ZNF362: variants seen among roughly 807,000 people sequenced by gnomAD.
The protein encoded by ZNF362 is zinc finger protein 362.
ZNF362 carries 11 observed loss-of-function variants against 42.9 expected under a neutral mutation model. The ratio of observed to expected loss-of-function variants is 0.26; its 90% CI spans 0.16 to 0.42. ZNF362 has a LOEUF of 0.42. Among genes scored for constraint, ZNF362 ranks in the 20% least tolerant of loss-of-function variants. The pLI is 1.00. For synonymous variants in ZNF362, 255 were observed against 257.3 expected (o/e 0.99, Z 0.09); for missense variants, 362 against 576.2 (o/e 0.63, Z 3.81).
At chr1:33,167,361 G>T in the ZNF362 span, among the ~76,000 whole-genome samples, 2 of 152,192 alleles carry the variant, frequency 1.3e-5, no homozygotes, top group East Asian at 3.8e-4. This position sits in a 1 kb window ranked among gnomAD's most constrained non-coding sequence, Gnocchi z 4.2. Context: ...CCTGCCTTAT[G>T]CCCAGGGACT....
At chr1:33,244,826 C>T in the ZNF362 span, among the ~76,000 whole-genome samples, 2 of 152,104 alleles carry the variant, frequency 1.3e-5, no homozygotes, top group African/African-American at 4.8e-5. The surrounding 1 kb of genome is among the most constrained non-coding windows in gnomAD (Gnocchi z 4.0). Flanking sequence ...AGGAGGTACA[C>T]AGTAAGGAAC....
chr1:33,256,819 G>A (rs1363090251), intron 1 of ZNF362, among the ~76,000 whole-genome samples, 165 bp downstream of exon 1: 2 of 118,600 alleles, frequency 1.7e-5, no homozygotes, highest in African/African-American at 2.8e-5. Context: ...CCTCGGGCCC[G>A]GCCCAGAGCG....
the ZNF362 span, among the ~76,000 whole-genome samples, chr1:33,241,582 A>G: frequency 7.9e-5 from 12 of 152,206 alleles, no homozygotes; most frequent in African/African-American, 2.7e-4. Context: ...AAATAAATAA[A>G]TATTTCTCCT....
chr1:33,145,965 G>T, the ZNF362 span: 1 of 470,014 alleles, frequency 2.1e-6, no homozygotes, highest in African/African-American at 2.0e-5. Context: ...GGAACTGAGT[G>T]AAGTGGGAGA....
chr1:33,294,493 G>A lies in ZNF362; in HGVS notation c.909-444G>A, dbSNP rs1646102794. The stretch of plus-strand genomic sequence containing the variant: ...CATGGGGTAGGGACAGGAAATAAGT[G>A]TCTGGGGCCAATTAGAGGGAGATGT... On this transcript the variant is annotated intron_variant, in intron 6 of 8. Transcript: ENST00000539719. The surrounding 1 kb of genome is among the most constrained non-coding windows in gnomAD (Gnocchi z 4.2). Among the ~76,000 whole-genome samples, 1 of 152,200 alleles carries A rather than the reference G, an allele frequency of 6.6e-6. No individual in the cohort carries two copies. Among genetic ancestry groups the A allele is most frequent in the African/African-American group, 2.4e-5 (1 of 41,440 alleles).
intron 4 of ZNF362, among the ~76,000 whole-genome samples, chr1:33,278,531 G>T (rs1570397300): frequency 3.9e-5 from 6 of 152,246 alleles, no homozygotes; most frequent in Admixed American, 2.6e-4. Context: ...CCAGGTAAAA[G>T]ATTCAAATAA....
chr1:33,287,638 T>G (rs1175626576), intron 6 of ZNF362, among the ~76,000 whole-genome samples: 1 of 152,252 alleles, frequency 6.6e-6, no homozygotes, highest in Non-Finnish European at 1.5e-5. Context: ...GTTTTTGTTT[T>G]TCTTTTCCTG....
the ZNF362 span, among the ~76,000 whole-genome samples, chr1:33,169,977 C>T: frequency 6.6e-6 from 1 of 152,194 alleles, no homozygotes; most frequent in South Asian, 2.1e-4. Flanking sequence ...CAGTGTCCCA[C>T]ACTTGTACCC....
At chr1:33,262,921 C>T (rs1160461290) in intron 1 of ZNF362, among the ~76,000 whole-genome samples, 2 of 152,174 alleles carry the variant, frequency 1.3e-5, no homozygotes, top group Admixed American at 6.5e-5. Flanking sequence ...CATAGGAGCA[C>T]GTGCATGTGC....
At chr1:33,262,396 CT>C (rs1645834689) in intron 1 of ZNF362, among the ~76,000 whole-genome samples, 3 of 5,178 alleles carry the variant, frequency 5.8e-4, no homozygotes, top group Non-Finnish European at 1.6e-3. Context: ...GCTCCGCCTC[CT>C]GGGTTCACAC....
At chr1:33,234,813 T>G in the ZNF362 span, among the ~76,000 whole-genome samples, 1 of 152,162 alleles carries the variant, frequency 6.6e-6, no homozygotes, top group African/African-American at 2.4e-5. Context: ...AGAGCAGGCA[T>G]TCTATGATGC....
At position 33,276,554 on chromosome 1, in the gene ZNF362, C is replaced by T. The variant is rs757405407; in HGVS notation, c.309C>T (p.Asp103=). 2.5e-5 allele frequency: 37 copies of T among 1,467,396 alleles called. No individual in the cohort carries two copies. The highest frequency in any genetic ancestry group is 2.2e-4 in the Middle Eastern group (1 of 4,522). 90.9% of individuals were successfully genotyped at this position (1,467,396 alleles called of 1,614,324 possible). Residue 103 remains aspartate (D), a synonymous_variant, in exon 4 of 9, where the codon GAC becomes GAT. Transcript: ENST00000539719. ...ATCCACAGGCGGTGCCGCAGCCCGA[C>T]GTGGCGCTGCACGCACGGCCGGCCA... ...GLHPQAVPQP[D]VALHARPATS...
chr1:33,207,556 C>A, the ZNF362 span, among the ~76,000 whole-genome samples: 4 of 152,204 alleles, frequency 2.6e-5, no homozygotes, highest in Non-Finnish European at 5.9e-5. Flanking sequence ...AACTAATTTA[C>A]ACTCCCATCA....
chr1:33,200,880 AT>A, the ZNF362 span, among the ~76,000 whole-genome samples: 1 of 152,184 alleles, frequency 6.6e-6, no homozygotes, highest in Non-Finnish European at 1.5e-5. Context: ...GTGGGCCCTA[AT>A]CTACTATGAC....
At chr1:33,262,088 G>A (rs1285095026) in intron 1 of ZNF362, among the ~76,000 whole-genome samples, 3 of 152,070 alleles carry the variant, frequency 2.0e-5, no homozygotes, top group African/African-American at 7.2e-5. Context: ...GCTGGAACTG[G>A]GCTTTGGAGG....
intron 1 of ZNF362, among the ~76,000 whole-genome samples, chr1:33,263,147 G>A (rs1424924117): frequency 1.3e-5 from 2 of 152,380 alleles, no homozygotes; most frequent in South Asian, 2.1e-4. Context: ...AGATAACATA[G>A]CCTCAAATTC....
At chr1:33,161,321 C>G in the ZNF362 span, among the ~76,000 whole-genome samples, 6 of 152,276 alleles carry the variant, frequency 3.9e-5, no homozygotes, top group East Asian at 7.7e-4. The surrounding 1 kb of genome is among the most constrained non-coding windows in gnomAD (Gnocchi z 4.3). Flanking sequence ...AAGGGCTTAA[C>G]GTCAGGACGA....
the ZNF362 span, chr1:33,146,965 TC>T: frequency 1.7e-6 from 1 of 601,178 alleles, no homozygotes; most frequent in Non-Finnish European, 2.9e-6. Flanking sequence ...TGTATCCCTA[TC>T]AAGGTCAGAG....
At chr1:33,159,677 G>A in the ZNF362 span, 1 of 1,600,754 alleles carries the variant, frequency 6.2e-7, no homozygotes, top group Non-Finnish European at 8.5e-7. This position sits in a 1 kb window ranked among gnomAD's most constrained non-coding sequence, Gnocchi z 4.2. Context: ...GCCCCGGCGG[G>A]TGGCACTTAC....
Sources: allele counts gnomAD v4.1 joint callset (sites outside exome capture counted in the v4.1 genomes callset), GRCh38; gene constraint gnomAD v4.1.1; non-coding constraint Gnocchi (gnomAD v3.1); transcripts MANE v1.5; gene names NCBI Gene and HGNC (gene_info 2026-07-23, HGNC 2026-07-21).